Variants in DLG1 observed in about 807,000 individuals in gnomAD.
The protein encoded by DLG1 is disks large homolog 1.
In DLG1, 42 loss-of-function variants were observed where a neutral mutation model predicts 123.4. That is an observed-to-expected ratio of 0.34 (90% CI 0.27 to 0.44). DLG1 has a LOEUF of 0.44. Ranked by LOEUF, DLG1 falls within the 20% of genes least tolerant of loss-of-function variation. The pLI, the probability that DLG1 is intolerant of heterozygous loss-of-function variation, is 1.00. For synonymous variants in DLG1, 317 were observed against 356.2 expected (o/e 0.89, Z 1.24); for missense variants, 942 against 1,082.6 (o/e 0.87, Z 1.82).
At chr3:197,207,708 A>G (rs1438081418) in intron 4 of DLG1, among the ~76,000 whole-genome samples, 1 of 115,894 alleles carries the variant, frequency 8.6e-6, no homozygotes, top group Non-Finnish European at 2.1e-5. Context: ...CGGCATATAA[A>G]TAGAAATTTG....
intron 4 of DLG1, among the ~76,000 whole-genome samples, chr3:197,195,396 G>C (rs1721936353): frequency 6.6e-6 from 1 of 151,940 alleles, no homozygotes; most frequent in African/African-American, 2.4e-5. Context: ...TCAATCAATT[G>C]ATTGATCAGT....
At chr3:197,169,656 A>ACTAT in intron 5 of DLG1, among the ~76,000 whole-genome samples, 1 of 152,234 alleles carries the variant, frequency 6.6e-6, no homozygotes, top group South Asian at 2.1e-4. Flanking sequence ...AAATGAACAT[A>ACTAT]CTATCTGATA....
At chr3:197,132,148 G>A (rs557166719) in intron 10 of DLG1, among the ~76,000 whole-genome samples, 1 of 150,892 alleles carries the variant, frequency 6.6e-6, no homozygotes, top group Admixed American at 6.6e-5. Flanking sequence ...TCATTTTGTT[G>A]ATTTTTTTTT....
intron 11 of DLG1, among the ~76,000 whole-genome samples, chr3:197,128,425 T>A (rs1050256469): frequency 1.3e-5 from 2 of 152,196 alleles, no homozygotes; most frequent in Admixed American, 6.5e-5. Context: ...TCTTATTATT[T>A]CTACCAATTT....
chr3:197,138,359 A>T lies in DLG1; in HGVS notation c.746T>A (p.Val249Glu). Residue 249 changes from valine to glutamate, a missense_variant, in exon 9 of 25, where the codon GTA becomes GAA. Transcript: ENST00000667157. ...GCTATGTGTTACATCACGAACATCT[A>T]CTTCATTTACTCGTAATATACAGTC... ...VNDCILRVNE[V>E]DVRDVTHSKA... 6.4e-7 allele frequency: 1 copy of T among 1,553,438 alleles called. No individual in the cohort carries two copies. Among genetic ancestry groups the T allele is most frequent in the Non-Finnish European group, 8.7e-7 (1 of 1,143,378 alleles).
At chr3:197,073,902 T>C (rs1380932777) in intron 18 of DLG1, among the ~76,000 whole-genome samples, 2 of 152,150 alleles carry the variant, frequency 1.3e-5, no homozygotes, top group Non-Finnish European at 2.9e-5. Context: ...TTTTGAGTTT[T>C]GTTCCAATAA....
chr3:197,076,735 G>A (rs757515253), intron 17 of DLG1, 50 bp from the exon 18 acceptor site: 9 of 1,417,592 alleles, frequency 6.3e-6, no homozygotes, highest in Non-Finnish European at 8.9e-6. Context: ...CTGTCTGTGT[G>A]TACAAAGGCC....
intron 4 of DLG1, among the ~76,000 whole-genome samples, chr3:197,281,798 T>C (rs1162443518): frequency 5.3e-5 from 8 of 152,204 alleles, no homozygotes; most frequent in Non-Finnish European, 1.2e-4. Context: ...TCCTCATCTT[T>C]AACATGAAGA....
chr3:197,187,371 C>T (rs1464405322), intron 5 of DLG1, among the ~76,000 whole-genome samples: 2 of 152,134 alleles, frequency 1.3e-5, no homozygotes, highest in Non-Finnish European at 2.9e-5. Context: ...CATTTTTCTG[C>T]CACTCCCATT....
chr3:197,096,321 T>C (rs1257940612), intron 14 of DLG1, among the ~76,000 whole-genome samples: 3 of 152,192 alleles, frequency 2.0e-5, no homozygotes, highest in African/African-American at 7.2e-5. Flanking sequence ...ACCTAACATA[T>C]ATATTAATTT....
intron 9 of DLG1, among the ~76,000 whole-genome samples, chr3:197,137,652 G>C (rs1785690554): frequency 6.6e-6 from 1 of 152,040 alleles, no homozygotes; most frequent in African/African-American, 2.4e-5. Flanking sequence ...GCAGTAAAAT[G>C]TATAAAAGCA....
intron 4 of DLG1, among the ~76,000 whole-genome samples, chr3:197,241,908 GAAGA>G (rs1034739743): frequency 6.6e-6 from 1 of 151,854 alleles, no homozygotes; most frequent in Non-Finnish European, 1.5e-5. Flanking sequence ...CACAAGAAAG[GAAGA>G]GTTACGAAAC....
intron 4 of DLG1, among the ~76,000 whole-genome samples, chr3:197,218,620 C>T (rs1452274462): frequency 6.6e-6 from 1 of 152,206 alleles, no homozygotes; most frequent in Non-Finnish European, 1.5e-5. Flanking sequence ...ACTTCTCCTG[C>T]TGTCTGAGAT....
At chr3:197,270,354 T>C (rs892421757) in intron 4 of DLG1, among the ~76,000 whole-genome samples, 2 of 152,084 alleles carry the variant, frequency 1.3e-5, no homozygotes, top group Admixed American at 1.3e-4. Flanking sequence ...AGTGATAACT[T>C]TGTAAAGAGA....
intron 4 of DLG1, among the ~76,000 whole-genome samples, chr3:197,257,225 T>C (rs1374123537): frequency 6.6e-6 from 1 of 152,156 alleles, no homozygotes; most frequent in Non-Finnish European, 1.5e-5. Context: ...TATGAATATT[T>C]AAATAAAAGA....
chr3:197,263,602 C>G (rs563212232), intron 4 of DLG1, among the ~76,000 whole-genome samples: 1 of 152,166 alleles, frequency 6.6e-6, no homozygotes, highest in South Asian at 2.1e-4. Context: ...GCCTGGCCAA[C>G]ATGGTGAAAT....
rs533125067 is a variant in DLG1 at position 197,090,126 on chromosome 3, A to G, written c.1661+786T>C. ...GAAGGATAAATGAAACGTATTAGGA[A>G]CAGGTCCCCCAACAGAATCAGGACG... On this transcript the variant is annotated intron_variant, in intron 15 of 24. Coordinates refer to ENST00000667157, the MANE Select transcript of DLG1 (RefSeq NM_001366207.1). Among the ~76,000 whole-genome samples the G allele has an allele frequency of 1.4e-4, 21 of 152,274 alleles. No homozygotes were observed. In the South Asian group the frequency reaches 4.4e-3, roughly 32 times the overall value.
chr3:197,113,513 G>C (rs2149381952), intron 13 of DLG1, among the ~76,000 whole-genome samples: 1 of 152,186 alleles, frequency 6.6e-6, no homozygotes, highest in African/African-American at 2.4e-5. Context: ...TGAAATCTAT[G>C]TATAATAACA....
intron 14 of DLG1, among the ~76,000 whole-genome samples, chr3:197,101,914 TAAAAAACTTTA>T (rs1030271344): frequency 1.8e-4 from 27 of 152,176 alleles, no homozygotes; most frequent in African/African-American, 6.5e-4. Flanking sequence ...CATGGCTAAT[TAAAAAACTTTA>T]AAAAAAGTTT....
Sources: allele counts gnomAD v4.1 joint callset (sites outside exome capture counted in the v4.1 genomes callset), GRCh38; gene constraint gnomAD v4.1.1; transcripts MANE v1.5; gene names NCBI Gene and HGNC (gene_info 2026-07-23, HGNC 2026-07-21).